SSH1: variants seen among roughly 807,000 people sequenced by gnomAD.
The protein encoded by SSH1 is protein phosphatase Slingshot homolog 1.
Under a neutral mutation model 79.7 loss-of-function variants are expected in SSH1, and 43 were observed. That is an observed-to-expected ratio of 0.54 (90% CI 0.42 to 0.70). SSH1 has a LOEUF of 0.70. Among genes scored for constraint, SSH1 ranks in the 30% least tolerant of loss-of-function variants. The pLI is 0.00. For missense variants in SSH1, 1,206 were observed against 1,358.8 expected, an observed-to-expected ratio of 0.89 and a Z score of 1.77; for synonymous variants, 599 against 538.3, an observed-to-expected ratio of 1.11 and a Z score of -1.56.
chr12:108,803,175 G>A (rs1281696467), intron 10 of SSH1, among the ~76,000 whole-genome samples: 1 of 152,098 alleles, frequency 6.6e-6, no homozygotes, highest in Admixed American at 6.5e-5. Context: ...AACAGAAGAT[G>A]GGAAAATAAA....
chr12:108,797,542 C>T lies in SSH1; in HGVS notation c.1349+1458G>A, dbSNP rs191807696. 2.1e-3 allele frequency among the ~76,000 whole-genome samples: 318 copies of T among 152,252 alleles called. 2 individuals are homozygous for T. Among genetic ancestry groups the T allele is most frequent in the African/African-American group, 7.4e-3 (308 of 41,550 alleles). On this transcript the variant is annotated intron_variant, in intron 13 of 14. Coordinates refer to ENST00000326495, the MANE Select transcript of SSH1 (RefSeq NM_018984.4). ...GCCTTTTCCAAAACTACCTATAGCC[C>T]ACTCCACCCCCATCCTGTGCCTATA...
At chr12:108,852,911 A>C (rs1210094313) in intron 1 of SSH1, 3 of 985,322 alleles carry the variant, frequency 3.0e-6, no homozygotes, top group Non-Finnish European at 3.6e-6. Flanking sequence ...GCCGCAGTCC[A>C]GGGGATGGAG....
intron 2 of SSH1, among the ~76,000 whole-genome samples, chr12:108,845,826 A>G (rs568800039): frequency 1.3e-5 from 2 of 152,372 alleles, no homozygotes; most frequent in African/African-American, 4.8e-5. Flanking sequence ...CACGGGGTGC[A>G]TGACACCTCT....
intron 5 of SSH1, 143 bp from the exon 6 acceptor site, chr12:108,811,471 A>C: frequency 2.7e-6 from 2 of 749,148 alleles, no homozygotes; most frequent in Non-Finnish European, 4.8e-6. Context: ...TTCACTGATG[A>C]ATTCTAGAAG....
chr12:108,815,871 CT>C (rs757706610), intron 5 of SSH1, among the ~76,000 whole-genome samples: 9 of 152,282 alleles, frequency 5.9e-5, no homozygotes, highest in Admixed American at 1.3e-4. Context: ...AATGTCCTCC[CT>C]TTTTTATTCA....
chr12:108,791,177 T>C (rs763138404), intron 14 of SSH1, among the ~76,000 whole-genome samples: 1 of 152,224 alleles, frequency 6.6e-6, no homozygotes, highest in South Asian at 2.1e-4. Flanking sequence ...TGGCACGAAC[T>C]TGACTCACTG....
Position 108,852,954 on chromosome 12 carries a change from G to T in SSH1, c.70-276C>A, listed in dbSNP as rs539477811. ...AGCTCAACATTTCCTATCTGGTGTT[G>T]TTACCCAGCACGGTCTTTTAGCCCT... On this transcript the variant is annotated intron_variant, in intron 1 of 14. Coordinates refer to ENST00000326495, the MANE Select transcript of SSH1 (RefSeq NM_018984.4). The T allele has an allele frequency of 2.2e-5, 22 of 985,396 alleles. No homozygotes were observed. The East Asian group carries it at 2.4e-3, about 107-fold the overall frequency. The allele number at this position is 985,396 out of a possible 1,614,324, so 61.0% of individuals were successfully genotyped here. A position where few individuals can be genotyped will look rare whatever the true frequency, so the allele number is the denominator to read the frequency against.
chr12:108,799,089 A>G lies in SSH1; in HGVS notation c.1260T>C (p.Tyr420=). Residue 420 remains tyrosine (Y), a synonymous_variant, in exon 13 of 15, where the codon TAT becomes TAC. Transcript: ENST00000326495. ...TGCTGCGCTTCTGCTTTACATAGTT[A>G]TATGCTTTTTCCAGAGGCCAGCCGA... The part of the protein sequence containing the change: ...KEFGWPLEKA[Y]NYVKQKRSIT... 6.2e-7 allele frequency: 1 copy of G among 1,614,174 alleles called. No homozygotes were observed. The highest frequency in any genetic ancestry group is 8.5e-7 in the Non-Finnish European group (1 of 1,180,038).
In SSH1 at chr12:108,807,943, T is replaced by C; in HGVS notation, c.537-116A>G. The C allele has an allele frequency of 1.1e-6, 1 of 950,524 alleles. No homozygotes were observed. Among genetic ancestry groups the C allele is most frequent in the Non-Finnish European group, 1.6e-6 (1 of 612,502 alleles). 58.9% of individuals were successfully genotyped at this position (950,524 alleles called of 1,614,324 possible). A position where few individuals can be genotyped will look rare whatever the true frequency, so the allele number is the denominator to read the frequency against. On this transcript the variant is annotated intron_variant, in intron 7 of 14. Coordinates refer to ENST00000326495, the MANE Select transcript of SSH1 (RefSeq NM_018984.4). The surrounding 1 kb of genome is among the most constrained non-coding windows in gnomAD (Gnocchi z 5.2). ...GAAGGGCAATGATTGATTGGTTGAT[T>C]ATTTCTTTTTGGGACAGAGTCTCGC... is the stretch of plus-strand genomic sequence containing the variant.
intron 2 of SSH1, among the ~76,000 whole-genome samples, chr12:108,844,707 G>A (rs1002769138): frequency 6.6e-5 from 10 of 152,160 alleles, no homozygotes; most frequent in Non-Finnish European, 1.3e-4. Flanking sequence ...CATTAAAGGC[G>A]GTAAGACAGT....
At chr12:108,829,710 ACC>A (rs1469805497) in intron 2 of SSH1, among the ~76,000 whole-genome samples, 1 of 152,162 alleles carries the variant, frequency 6.6e-6, no homozygotes, top group Non-Finnish European at 1.5e-5. Flanking sequence ...CATTGAAACA[ACC>A]TATCAAACTC....
intron 14 of SSH1, among the ~76,000 whole-genome samples, chr12:108,790,406 T>G (rs2036453087): frequency 6.6e-6 from 1 of 152,224 alleles, no homozygotes; most frequent in Admixed American, 6.5e-5. Flanking sequence ...CGCCTCAGCC[T>G]CTCAAAGTGC....
Position 108,792,508 on chromosome 12 carries a change from G to A in SSH1, c.1671C>T (p.Pro557=). Reference sequence around the variant, plus strand: ...TCTCACAGAGTCCGGAACCTTGCTGGGGCTGTCTGGCCGGCCTGTGCACCT... The same window carrying A: ...TCTCACAGAGTCCGGAACCTTGCTGAGGCTGTCTGGCCGGCCTGTGCACCT... ...PAEVHRPARQ[P]QQGSGLCEKD... The change falls in exon 14 of 15, where the codon CCC becomes CCT. Residue 557 remains proline (P), a synonymous_variant. Transcript: ENST00000326495. 6.2e-7 allele frequency: 1 copy of A among 1,614,144 alleles called. No homozygotes were observed. The highest frequency in any genetic ancestry group is 8.5e-7 in the Non-Finnish European group (1 of 1,180,022).
At chr12:108,851,457 T>C (rs1046758735) in intron 2 of SSH1, among the ~76,000 whole-genome samples, 3 of 151,980 alleles carry the variant, frequency 2.0e-5, no homozygotes, top group Non-Finnish European at 4.4e-5. Context: ...AACAGACTAT[T>C]TTTTTTTAAA....
intron 2 of SSH1, chr12:108,827,520 T>G: frequency 7.8e-7 from 1 of 1,285,332 alleles, no homozygotes; most frequent in Non-Finnish European, 9.8e-7. Context: ...CTTGTGGAAC[T>G]CTTGTCTTCC....
intron 1 of SSH1, among the ~76,000 whole-genome samples, chr12:108,855,829 C>T (rs1422228229): frequency 1.3e-5 from 2 of 152,092 alleles, no homozygotes; most frequent in African/African-American, 2.4e-5. Flanking sequence ...CTAGAACCTT[C>T]TGTGTATAGA....
Position 108,828,109 on chromosome 12 carries a change from A to G in SSH1, c.111-4748T>C, listed in dbSNP as rs1414784561. Among the ~76,000 whole-genome samples, 3 of 152,146 alleles carry G rather than the reference A, an allele frequency of 2.0e-5. No individual in the cohort carries two copies. In the East Asian group the frequency reaches 5.8e-4, roughly 29 times the overall value. ...GATGTGAATAACCATGACGCAGGAGAGAATGGAATAAGTACCCTAAGAAAG... is the reference window on the plus strand; with the variant it reads ...GATGTGAATAACCATGACGCAGGAGGGAATGGAATAAGTACCCTAAGAAAG... On this transcript the variant is annotated intron_variant, in intron 2 of 14. Coordinates refer to ENST00000326495, the MANE Select transcript of SSH1 (RefSeq NM_018984.4).
chr12:108,847,601 G>A (rs2038927031), intron 2 of SSH1, among the ~76,000 whole-genome samples: 1 of 152,106 alleles, frequency 6.6e-6, no homozygotes. Flanking sequence ...GGGATTACAG[G>A]AGCGCACCAC....
intron 5 of SSH1, among the ~76,000 whole-genome samples, chr12:108,813,209 T>C (rs923425362): frequency 1.3e-5 from 2 of 151,742 alleles, no homozygotes; most frequent in African/African-American, 2.4e-5. Flanking sequence ...AAGGATAAAG[T>C]GGGTGGGAGC....
Sources: allele counts gnomAD v4.1 joint callset (sites outside exome capture counted in the v4.1 genomes callset), GRCh38; gene constraint gnomAD v4.1.1; non-coding constraint Gnocchi (gnomAD v3.1); transcripts MANE v1.5; gene names NCBI Gene and HGNC (gene_info 2026-07-23, HGNC 2026-07-21).